DPP6: variants seen among roughly 807,000 people sequenced by gnomAD.
DPP6 encodes the protein A-type potassium channel modulatory protein DPP6.
DPP6 carries 69 observed loss-of-function variants against 122.6 expected under a neutral mutation model. The ratio of observed to expected loss-of-function variants is 0.56; its 90% confidence interval spans 0.46 to 0.69. The LOEUF is 0.69. Ranked by LOEUF, DPP6 falls within the 30% of genes least tolerant of loss-of-function variation. The probability of loss-of-function intolerance (pLI) is 0.00; values close to 1 mark genes in which losing one functional copy is unlikely to be tolerated. For missense variants in DPP6, 928 were observed against 1,116.9 expected (o/e 0.83, Z 2.41); for synonymous variants, 418 against 433.1 (o/e 0.97, Z 0.43).
chr7:154,227,230 A>ACACACACACACACACACC (rs1205135212), intron 1 of DPP6, among the ~76,000 whole-genome samples: 53 of 151,534 alleles, frequency 3.5e-4, no homozygotes, highest in African/African-American at 1.3e-3. Context: ...ACACACACAC[A>ACACACACACACACACACC]CCCCTAGGAA....
intron 1 of DPP6, among the ~76,000 whole-genome samples, chr7:154,275,471 C>T (rs549812300): frequency 2.0e-5 from 3 of 152,326 alleles, no homozygotes; most frequent in African/African-American, 7.2e-5. Flanking sequence ...CTCGGGGCCT[C>T]TCCTTTAAGG....
At chr7:154,734,839 A>T (rs964643761) in intron 8 of DPP6, among the ~76,000 whole-genome samples, 2 of 152,230 alleles carry the variant, frequency 1.3e-5, no homozygotes, top group Non-Finnish European at 2.9e-5. Flanking sequence ...CAAAACAAAG[A>T]TAACAGCAGT....
rs560139204 is a variant in DPP6 at position 154,516,547 on chromosome 7, A to T, written c.458-23985A>T. On this transcript the variant is annotated intron_variant, in intron 3 of 25. Coordinates refer to ENST00000377770, the MANE Select transcript of DPP6 (RefSeq NM_130797.4). Reference sequence around the variant, plus strand: ...TGGCTGATTCCTACGAAAGAGGAAAACAACCAGGCAAATCTATCTGGGAAG... The same window carrying T: ...TGGCTGATTCCTACGAAAGAGGAAATCAACCAGGCAAATCTATCTGGGAAG... Among the ~76,000 whole-genome samples, 5 of 152,340 alleles carry T rather than the reference A, an allele frequency of 3.3e-5. No homozygotes were observed. In the South Asian group the frequency reaches 1.0e-3, roughly 32 times the overall value.
chr7:154,163,078 C>T (rs1797060953), intron 1 of DPP6, among the ~76,000 whole-genome samples: 1 of 152,134 alleles, frequency 6.6e-6, no homozygotes, highest in African/African-American at 2.4e-5. Flanking sequence ...TTGAGTGGAA[C>T]TCTATACCTG....
chr7:153,804,539 G>T, the DPP6 span, among the ~76,000 whole-genome samples: 1 of 152,286 alleles, frequency 6.6e-6, no homozygotes, highest in East Asian at 1.9e-4. Context: ...CTGTAGCATG[G>T]ATGTCAGAGG....
intron 1 of DPP6, among the ~76,000 whole-genome samples, chr7:154,243,888 A>T (rs2150880920): frequency 6.6e-6 from 1 of 152,316 alleles, no homozygotes; most frequent in Admixed American, 6.5e-5. Context: ...GATTAAAAAA[A>T]AAATCAAACA....
intron 1 of DPP6, among the ~76,000 whole-genome samples, chr7:154,177,248 T>C (rs1797851903): frequency 6.6e-6 from 1 of 152,160 alleles, no homozygotes; most frequent in African/African-American, 2.4e-5. Context: ...ATGGCTTCAA[T>C]ACAAGGTTTT....
intron 1 of DPP6, among the ~76,000 whole-genome samples, chr7:154,123,496 A>G (rs1344800699): frequency 1.3e-5 from 2 of 152,126 alleles, no homozygotes; most frequent in African/African-American, 4.8e-5. Flanking sequence ...ACTTCCTGAT[A>G]GCTTGCTTCT....
chr7:154,123,666 C>T (rs1280191753), intron 1 of DPP6, among the ~76,000 whole-genome samples: 1 of 152,180 alleles, frequency 6.6e-6, no homozygotes, highest in South Asian at 2.1e-4. Flanking sequence ...GACAGATGTG[C>T]CGCCTGCTCA....
At chr7:153,823,499 A>C in the DPP6 span, among the ~76,000 whole-genome samples, 1 of 150,624 alleles carries the variant, frequency 6.6e-6, no homozygotes, top group African/African-American at 2.4e-5. Flanking sequence ...AGGTTCCCAC[A>C]GACAGCCCTG....
the DPP6 span, among the ~76,000 whole-genome samples, chr7:153,762,757 G>A: frequency 1.3e-5 from 2 of 152,156 alleles, no homozygotes; most frequent in East Asian, 1.9e-4. Context: ...GCCAGCTTGG[G>A]CAACAGGAGC....
chr7:154,050,019 A>G (rs1378832631), upstream of DPP6, among the ~76,000 whole-genome samples: 1 of 152,306 alleles, frequency 6.6e-6, no homozygotes, highest in African/African-American at 2.4e-5. Flanking sequence ...GTGTTCATCC[A>G]TGCTGTTTCC....
chr7:154,101,858 G>A (rs1175880486), intron 1 of DPP6, among the ~76,000 whole-genome samples: 1 of 148,156 alleles, frequency 6.7e-6, no homozygotes. Context: ...AACCTGGGAG[G>A]CAGAGGTTTC....
chr7:154,148,513 G>A (rs1165156772), intron 1 of DPP6, among the ~76,000 whole-genome samples: 1 of 149,466 alleles, frequency 6.7e-6, no homozygotes, highest in Admixed American at 6.7e-5. Flanking sequence ...GCGATGATGT[G>A]AGCAGGCACA....
chr7:153,965,563 A>G (rs1213778706), intron 1 of DPP6, among the ~76,000 whole-genome samples: 1 of 152,020 alleles, frequency 6.6e-6, no homozygotes, highest in Non-Finnish European at 1.5e-5. Flanking sequence ...CCCAGGTTGG[A>G]GCACAGTGGC....
At chr7:153,949,290 T>TA (rs1045413871) in intron 1 of DPP6, among the ~76,000 whole-genome samples, 5 of 152,214 alleles carry the variant, frequency 3.3e-5, no homozygotes, top group African/African-American at 1.2e-4. Flanking sequence ...CCTGGTAGCA[T>TA]AGGCCCCGTG....
chr7:154,530,274 T>C (rs1413955253), intron 3 of DPP6, among the ~76,000 whole-genome samples: 3 of 151,946 alleles, frequency 2.0e-5, no homozygotes, highest in Non-Finnish European at 4.4e-5. Flanking sequence ...AGAAAATGGA[T>C]AAAGAAGTAG....
intron 16 of DPP6, among the ~76,000 whole-genome samples, chr7:154,827,002 T>C (rs1800206677): frequency 6.6e-6 from 1 of 152,130 alleles, no homozygotes; most frequent in Non-Finnish European, 1.5e-5. Flanking sequence ...AACATGAATA[T>C]GGAGAACCTA....
intron 7 of DPP6, among the ~76,000 whole-genome samples, chr7:154,690,288 G>A (rs932588902): frequency 1.3e-5 from 2 of 152,150 alleles, no homozygotes; most frequent in African/African-American, 2.4e-5. Context: ...GGAATTGTTA[G>A]TACAGTTTGC....
Sources: gnomAD v4.1 joint callset for allele counts (sites outside exome capture counted in the v4.1 genomes callset) on GRCh38, gnomAD v4.1.1 for gene constraint, MANE v1.5 for transcripts, NCBI Gene and HGNC (gene_info 2026-07-23, HGNC 2026-07-21) for gene names.